Variants in SDK1 observed in about 807,000 individuals in gnomAD.
The protein encoded by SDK1 is protein sidekick-1.
SDK1 carries 157 observed loss-of-function variants against 245.5 expected under a neutral mutation model. The ratio of observed to expected loss-of-function variants is 0.64; its 90% confidence interval spans 0.56 to 0.73. The LOEUF is 0.73. Ranked by LOEUF, SDK1 falls within the 30% of genes least tolerant of loss-of-function variation. The pLI is 0.00. For synonymous variants in SDK1, 1,647 were observed against 1,278.5 expected, an observed-to-expected ratio of 1.29 and a Z score of -6.15; for missense variants, 3,583 against 3,002.3, an observed-to-expected ratio of 1.19 and a Z score of -4.52.
intron 4 of SDK1, among the ~76,000 whole-genome samples, chr7:3,739,507 T>C (rs936398883): frequency 2.0e-5 from 3 of 152,196 alleles, no homozygotes; most frequent in African/African-American, 7.2e-5. Flanking sequence ...ATTGAGTAAT[T>C]GCTATTAGCC....
At chr7:4,246,319 CTG>C (rs1786858128) in intron 44 of SDK1, among the ~76,000 whole-genome samples, 1 of 152,128 alleles carries the variant, frequency 6.6e-6, no homozygotes, top group Non-Finnish European at 1.5e-5. Context: ...CCCGGGGTAA[CTG>C]GGCCTAGACC....
At chr7:3,566,322 T>C (rs906363071) in intron 1 of SDK1, among the ~76,000 whole-genome samples, 2 of 151,090 alleles carry the variant, frequency 1.3e-5, no homozygotes, top group Non-Finnish European at 2.9e-5. Context: ...CCTCCCAGGT[T>C]CACGCCATTC....
At chr7:3,856,889 C>T (rs1780560936) in intron 5 of SDK1, among the ~76,000 whole-genome samples, 1 of 152,002 alleles carries the variant, frequency 6.6e-6, no homozygotes, top group Non-Finnish European at 1.5e-5. Flanking sequence ...TTAGGTTGAG[C>T]AACATTAATA....
intron 1 of SDK1, among the ~76,000 whole-genome samples, chr7:3,415,102 G>A (rs1450181949): frequency 2.0e-5 from 3 of 151,964 alleles, no homozygotes; most frequent in African/African-American, 7.3e-5. Flanking sequence ...GTAATTGCTG[G>A]GTTTTGTTAA....
intron 1 of SDK1, among the ~76,000 whole-genome samples, chr7:3,505,340 T>G (rs1476711066): frequency 6.6e-6 from 1 of 152,084 alleles, no homozygotes; most frequent in African/African-American, 2.4e-5. Flanking sequence ...TCAAACCCCT[T>G]GGCTCAAGGA....
intron 1 of SDK1, among the ~76,000 whole-genome samples, chr7:3,498,648 A>C (rs1782097016): frequency 6.6e-6 from 1 of 151,626 alleles, no homozygotes; most frequent in African/African-American, 2.4e-5. Flanking sequence ...TCACAGACAC[A>C]GTTGCTTAGT....
chr7:3,923,966 G>T (rs1419339370), intron 5 of SDK1, among the ~76,000 whole-genome samples: 2 of 152,158 alleles, frequency 1.3e-5, no homozygotes, highest in Admixed American at 1.3e-4. Context: ...AGTGTGGGTG[G>T]TCGTGATTTT....
At chr7:3,397,991 A>G (rs890387154) in intron 1 of SDK1, among the ~76,000 whole-genome samples, 1 of 152,062 alleles carries the variant, frequency 6.6e-6, no homozygotes, top group Non-Finnish European at 1.5e-5. Context: ...TTTTTGTGGA[A>G]AGCCAGGCAT....
At chr7:3,808,972 C>T (rs1165216865) in intron 4 of SDK1, among the ~76,000 whole-genome samples, 1 of 152,134 alleles carries the variant, frequency 6.6e-6, no homozygotes, top group Non-Finnish European at 1.5e-5. Flanking sequence ...TTGAGTCGTG[C>T]ACTGAGGATC....
At chr7:3,668,716 G>C (rs1424282120) in intron 4 of SDK1, among the ~76,000 whole-genome samples, 2 of 152,224 alleles carry the variant, frequency 1.3e-5, no homozygotes, top group Admixed American at 1.3e-4. Context: ...ACTTGAACCT[G>C]GGAGGCGGAG....
chr7:4,045,575 T>C (rs1424681562), intron 17 of SDK1, among the ~76,000 whole-genome samples: 1 of 152,166 alleles, frequency 6.6e-6, no homozygotes, highest in Non-Finnish European at 1.5e-5. Context: ...AACTTTTACA[T>C]GTCTTGTGCA....
chr7:3,506,969 G>T (rs571236611), intron 1 of SDK1, among the ~76,000 whole-genome samples: 2 of 151,996 alleles, frequency 1.3e-5, no homozygotes, highest in South Asian at 4.2e-4. Flanking sequence ...TTCCTTTAGA[G>T]GGTATTTGTT....
chr7:3,643,321 C>G (rs542771275), intron 4 of SDK1: 1 of 152,296 alleles, frequency 6.6e-6, no homozygotes, highest in East Asian at 2.0e-4. Flanking sequence ...CCCACCCCTA[C>G]CTGAGCATCT....
Position 4,015,022 on chromosome 7 carries a change from CAT to C in SDK1, c.2421-2147_2421-2146del, listed in dbSNP as rs532700879. Among the ~76,000 whole-genome samples the C allele has an allele frequency of 3.3e-4, 50 of 152,134 alleles. 2 individuals carry two copies. In the South Asian group the frequency reaches 0.01, roughly 32 times the overall value. ...CATGCAGGTGTAGTTCCTTATAACT[CAT>C]AGTTATCTCTACCATACTTCTCGGT... On this transcript the variant is annotated intron_variant, in intron 16 of 44. Transcript: ENST00000404826.
intron 4 of SDK1, among the ~76,000 whole-genome samples, chr7:3,727,894 C>T (rs534285599): frequency 2.1e-4 from 32 of 152,262 alleles, no homozygotes; most frequent in African/African-American, 7.7e-4. Flanking sequence ...CCTTTCTGTT[C>T]CAGGATCCCA....
At chr7:3,542,670 T>A (rs1022677048) in intron 1 of SDK1, among the ~76,000 whole-genome samples, 1 of 152,244 alleles carries the variant, frequency 6.6e-6, no homozygotes, top group African/African-American at 2.4e-5. Flanking sequence ...TTACAATAAC[T>A]ATTGGCTATG....
rs371760290 is a variant in SDK1 at position 3,489,560 on chromosome 7, C to T, written c.299-129520C>T. On this transcript the variant is annotated intron_variant, in intron 1 of 44. Coordinates refer to ENST00000404826, the MANE Select transcript of SDK1 (RefSeq NM_152744.4). ...GCACTGAGTGCTGAATTTCCAGAAACGAATGGTAATAATGAAAGGTGCATA... is the reference window on the plus strand; with the variant it reads ...GCACTGAGTGCTGAATTTCCAGAAATGAATGGTAATAATGAAAGGTGCATA... Among the ~76,000 whole-genome samples the T allele has an allele frequency of 1.6e-4, 25 of 152,084 alleles. No individual in the cohort carries two copies. The East Asian group carries it at 4.4e-3, about 27-fold the overall frequency.
intron 13 of SDK1, among the ~76,000 whole-genome samples, chr7:3,983,629 T>C (rs1414891554): frequency 6.6e-6 from 1 of 152,236 alleles, no homozygotes; most frequent in Non-Finnish European, 1.5e-5. Flanking sequence ...ATTCACTTCA[T>C]TGTGGTGGTC....
At chr7:3,943,052 A>G (rs1238137140) in intron 5 of SDK1, among the ~76,000 whole-genome samples, 2 of 152,230 alleles carry the variant, frequency 1.3e-5, no homozygotes, top group Non-Finnish European at 2.9e-5. Flanking sequence ...GAAAGTTTCA[A>G]GAGGCGTATT....
Sources: gnomAD v4.1 joint callset for allele counts (sites outside exome capture counted in the v4.1 genomes callset) on GRCh38, gnomAD v4.1.1 for gene constraint, MANE v1.5 for transcripts, NCBI Gene and HGNC (gene_info 2026-07-23, HGNC 2026-07-21) for gene names.